Variants in CAB39L observed in about 807,000 individuals in gnomAD.
The protein encoded by CAB39L is calcium binding protein 39 like.
A neutral mutation model predicts 39.1 loss-of-function variants in CAB39L; 23 were observed. The observed-to-expected ratio is 0.59, with a 90% CI of 0.42 to 0.83. The LOEUF (loss-of-function observed/expected upper bound fraction) is 0.83, where lower values mean the gene tolerates loss of function less well. Ranked by LOEUF, CAB39L falls within the 40% of genes least tolerant of loss-of-function variation. The pLI, the probability that CAB39L is intolerant of heterozygous loss-of-function variation, is 0.00. For synonymous variants in CAB39L, 126 were observed against 137.2 expected, an observed-to-expected ratio of 0.92 and a Z score of 0.57; for missense variants, 366 against 391.9, an observed-to-expected ratio of 0.93 and a Z score of 0.56.
intron 3 of CAB39L, among the ~76,000 whole-genome samples, chr13:49,395,195 A>T (rs1479310115): frequency 6.6e-6 from 1 of 150,936 alleles, no homozygotes; most frequent in Admixed American, 6.6e-5. Flanking sequence ...TTTTTTTTTT[A>T]AGTTCAAACT....
chr13:49,371,193 T>C (rs1383150301), intron 5 of CAB39L, among the ~76,000 whole-genome samples: 3 of 150,000 alleles, frequency 2.0e-5, no homozygotes, highest in East Asian at 1.9e-4. Flanking sequence ...TTCTTTCTTT[T>C]TTTTTTTTTT....
chr13:49,375,827 T>G (rs1260232301), intron 5 of CAB39L, among the ~76,000 whole-genome samples: 1 of 148,856 alleles, frequency 6.7e-6, no homozygotes. Context: ...AGAAAAAGAT[T>G]ATGGGTCAGA....
chr13:49,440,796 C>G (rs369705452), intron 1 of CAB39L, among the ~76,000 whole-genome samples: 1 of 149,182 alleles, frequency 6.7e-6, no homozygotes, highest in African/African-American at 2.5e-5. Flanking sequence ...CTTGATTTGG[C>G]TCTCTGCTCC....
chr13:49,329,545 ATATATATATATATATATATATAT>A (rs1440506772), intron 10 of CAB39L, among the ~76,000 whole-genome samples: 2,237 of 84,508 alleles, frequency 0.026, 320 homozygotes, highest in African/African-American at 0.078. Context: ...AAAAAAAAAA[ATATATATATATATATATATATAT>A]ATATATATAT....
chr13:49,315,519 T>A (rs887948950), intron 10 of CAB39L, among the ~76,000 whole-genome samples: 1 of 151,660 alleles, frequency 6.6e-6, no homozygotes, highest in African/African-American at 2.4e-5. Context: ...AAAAACAAAA[T>A]ATATCAAAAC....
intron 3 of CAB39L, among the ~76,000 whole-genome samples, chr13:49,399,254 C>T (rs1956713314): frequency 6.6e-6 from 1 of 151,986 alleles, no homozygotes; most frequent in Non-Finnish European, 1.5e-5. Flanking sequence ...CAGAAATATT[C>T]TTGTAGCAAG....
intron 3 of CAB39L, among the ~76,000 whole-genome samples, chr13:49,394,070 G>T (rs141530698): frequency 6.6e-6 from 1 of 151,552 alleles, no homozygotes; most frequent in Non-Finnish European, 1.5e-5. Flanking sequence ...AAGTTAATAC[G>T]AATATGCCAC....
intron 3 of CAB39L, among the ~76,000 whole-genome samples, chr13:49,395,623 A>G (rs1956598448): frequency 6.6e-6 from 1 of 152,200 alleles, no homozygotes; most frequent in Non-Finnish European, 1.5e-5. Flanking sequence ...CTGGAGAGAA[A>G]GCCAAAAAAG....
intron 6 of CAB39L, among the ~76,000 whole-genome samples, chr13:49,353,623 C>A (rs543424983): frequency 6.6e-6 from 1 of 152,146 alleles, no homozygotes; most frequent in African/African-American, 2.4e-5. Context: ...TTCCTAATCA[C>A]TACAATTCAG....
At chr13:49,405,927 ATG>A (rs1475724043) in intron 3 of CAB39L, among the ~76,000 whole-genome samples, 1 of 152,160 alleles carries the variant, frequency 6.6e-6, no homozygotes, top group African/African-American at 2.4e-5. Flanking sequence ...CAAACTTCAC[ATG>A]TTCTCATTCA....
At chr13:49,431,850 T>C (rs1395028711) in intron 3 of CAB39L, among the ~76,000 whole-genome samples, 2 of 152,228 alleles carry the variant, frequency 1.3e-5, no homozygotes, top group Non-Finnish European at 2.9e-5. Flanking sequence ...ATAGTATCTT[T>C]ATCTGTATTA....
At chr13:49,391,201 A>C (rs1050204408) in intron 3 of CAB39L, among the ~76,000 whole-genome samples, 1 of 152,208 alleles carries the variant, frequency 6.6e-6, no homozygotes, top group African/African-American at 2.4e-5. Flanking sequence ...GCAGTGAAAC[A>C]CTGTTTACAT....
chr13:49,397,376 A>G (rs1014844220), intron 3 of CAB39L, among the ~76,000 whole-genome samples: 1 of 152,138 alleles, frequency 6.6e-6, no homozygotes, highest in African/African-American at 2.4e-5. Context: ...CAGAAATGGA[A>G]AAGTTGTGAG....
At chr13:49,343,061 G>A (rs747775375) in intron 8 of CAB39L, among the ~76,000 whole-genome samples, 34 of 151,968 alleles carry the variant, frequency 2.2e-4, no homozygotes, top group Non-Finnish European at 4.0e-4. Context: ...TATTTCTACT[G>A]GACAGCACTG....
chr13:49,387,358 T>C (rs1384139907), intron 3 of CAB39L, among the ~76,000 whole-genome samples: 2 of 152,164 alleles, frequency 1.3e-5, no homozygotes, highest in Non-Finnish European at 2.9e-5. Flanking sequence ...ACCTCAGAGT[T>C]TTAAGAACAT....
chr13:49,423,246 T>G (rs776485380), intron 3 of CAB39L, among the ~76,000 whole-genome samples: 3 of 152,240 alleles, frequency 2.0e-5, no homozygotes, highest in African/African-American at 4.8e-5. Flanking sequence ...AGAATTGGCA[T>G]ATCAAACAAG....
At chr13:49,321,418 AAACAGTTT>A (rs1954335162) in intron 10 of CAB39L, among the ~76,000 whole-genome samples, 3 of 152,328 alleles carry the variant, frequency 2.0e-5, no homozygotes, top group African/African-American at 4.8e-5. Flanking sequence ...GCATTGTGCT[AAACAGTTT>A]ATACGAATTG....
intron 3 of CAB39L, among the ~76,000 whole-genome samples, chr13:49,430,025 T>C (rs1211604706): frequency 2.0e-5 from 3 of 152,216 alleles, no homozygotes; most frequent in Admixed American, 1.3e-4. Context: ...TTCTATTCTA[T>C]AAAATGCTCT....
intron 3 of CAB39L, among the ~76,000 whole-genome samples, chr13:49,387,523 G>A (rs1277770839): frequency 6.6e-6 from 1 of 152,192 alleles, no homozygotes; most frequent in Non-Finnish European, 1.5e-5. Flanking sequence ...AGCAGGCCAT[G>A]CAGCACAGAA....
Sources: gnomAD v4.1 joint callset for allele counts (sites outside exome capture counted in the v4.1 genomes callset) on GRCh38, gnomAD v4.1.1 for gene constraint, MANE v1.5 for transcripts, NCBI Gene and HGNC (gene_info 2026-07-23, HGNC 2026-07-21) for gene names.